RALGPS2: variants seen among roughly 807,000 people sequenced by gnomAD.
The protein encoded by RALGPS2 is ras-specific guanine nucleotide-releasing factor RalGPS2.
A neutral mutation model predicts 86.8 loss-of-function variants in RALGPS2; 43 were observed. That is an observed-to-expected ratio of 0.50 (90% CI 0.39 to 0.64). The LOEUF (loss-of-function observed/expected upper bound fraction) is 0.64. Ranked by LOEUF, RALGPS2 falls within the 30% of genes least tolerant of loss-of-function variation. RALGPS2 has a pLI of 0.00. For missense variants in RALGPS2, 536 were observed against 694.6 expected, an observed-to-expected ratio of 0.77 and a Z score of 2.57; for synonymous variants, 243 against 231.3, an observed-to-expected ratio of 1.05 and a Z score of -0.46.
At chr1:178,733,932 GAC>G (rs1237885267) in intron 1 of RALGPS2, among the ~76,000 whole-genome samples, 1 of 152,122 alleles carries the variant, frequency 6.6e-6, no homozygotes, top group Admixed American at 6.5e-5. Context: ...AATGTGAAAA[GAC>G]AATACACAGA....
rs1371310819 is a variant in RALGPS2, at chr1:178,919,533, A to T, written c.*3174A>T. The T allele has an allele frequency of 6.6e-6, 1 of 152,048 alleles. No homozygotes were observed. Among genetic ancestry groups the T allele is most frequent in the Non-Finnish European group, 1.5e-5 (1 of 67,904 alleles). The allele number at this position is 152,048 out of a possible 1,614,324, so 9.4% of individuals were successfully genotyped here. ...AATGGAAAACATGTTTACAGACTCT[A>T]GCTTTCCTTATTAGCTTAAACTGGG... On this transcript the variant is annotated 3_prime_UTR_variant, in exon 20 of 20. Coordinates refer to ENST00000367635, the MANE Select transcript of RALGPS2 (RefSeq NM_152663.5).
At chr1:178,730,990 G>A (rs1022188610) in intron 1 of RALGPS2, among the ~76,000 whole-genome samples, 8 of 152,112 alleles carry the variant, frequency 5.3e-5, no homozygotes, top group South Asian at 2.1e-4. Flanking sequence ...GAGCCACTGC[G>A]CCTGGCTGAT....
chr1:178,832,490 T>C (rs1377657065), intron 7 of RALGPS2, among the ~76,000 whole-genome samples: 1 of 152,168 alleles, frequency 6.6e-6, no homozygotes, highest in Non-Finnish European at 1.5e-5. Flanking sequence ...GAGAGTATTA[T>C]ATTCTGCTGC....
chr1:178,806,372 G>A (rs1654740505), intron 4 of RALGPS2, among the ~76,000 whole-genome samples: 1 of 152,084 alleles, frequency 6.6e-6, no homozygotes, highest in African/African-American at 2.4e-5. Flanking sequence ...TAAGATATCT[G>A]ATACCTTCTG....
chr1:178,837,909 GCC>G (rs1656361418), intron 8 of RALGPS2, among the ~76,000 whole-genome samples: 1 of 152,160 alleles, frequency 6.6e-6, no homozygotes, highest in South Asian at 2.1e-4. Flanking sequence ...AGGGTGCCAC[GCC>G]CACAGAGCCT....
At chr1:178,897,190 T>C (rs1446923482) in intron 16 of RALGPS2, among the ~76,000 whole-genome samples, 1 of 151,876 alleles carries the variant, frequency 6.6e-6, no homozygotes, top group African/African-American at 2.4e-5. Context: ...GAAAAAATGC[T>C]CATCATCACT....
intron 19 of RALGPS2, among the ~76,000 whole-genome samples, chr1:178,915,279 C>T (rs986537585): frequency 1.3e-5 from 2 of 152,074 alleles, no homozygotes; most frequent in African/African-American, 4.8e-5. Context: ...TGTTGCCCAG[C>T]CTGGACAGTG....
intron 8 of RALGPS2, among the ~76,000 whole-genome samples, chr1:178,836,967 G>A (rs1192665868): frequency 6.6e-6 from 1 of 151,930 alleles, no homozygotes; most frequent in Admixed American, 6.6e-5. Flanking sequence ...TTTTTGTAGA[G>A]ACAGGATCTC....
intron 5 of RALGPS2, 52 bp downstream of exon 5, chr1:178,808,180 A>ATT (rs1654826079): frequency 1.7e-6 from 2 of 1,194,334 alleles, no homozygotes; most frequent in South Asian, 2.6e-5. Flanking sequence ...CTCAATATAT[A>ATT]CTTTTTCCTT....
intron 2 of RALGPS2, among the ~76,000 whole-genome samples, chr1:178,781,202 T>C (rs1451465847): frequency 3.9e-5 from 6 of 152,136 alleles, no homozygotes; most frequent in African/African-American, 1.4e-4. Flanking sequence ...TTAGCAGTTA[T>C]AAAGTAAGAG....
intron 2 of RALGPS2, among the ~76,000 whole-genome samples, chr1:178,779,299 C>G (rs1283686217): frequency 6.6e-6 from 1 of 152,006 alleles, no homozygotes; most frequent in Non-Finnish European, 1.5e-5. Flanking sequence ...GTGTATAAAT[C>G]TAGGGAACTT....
intron 8 of RALGPS2, chr1:178,869,022 A>G (rs1471233335): frequency 1.3e-5 from 2 of 152,074 alleles, no homozygotes; most frequent in Non-Finnish European, 2.9e-5. Flanking sequence ...CAAAAGATCC[A>G]TAAATCTATG....
chr1:178,788,015 C>T (rs1413504341), intron 4 of RALGPS2, among the ~76,000 whole-genome samples: 2 of 152,186 alleles, frequency 1.3e-5, no homozygotes, highest in Non-Finnish European at 2.9e-5. Context: ...GATCTCTTCA[C>T]AGTTTTACCT....
intron 8 of RALGPS2, among the ~76,000 whole-genome samples, chr1:178,871,779 T>A (rs1658773277): frequency 1.3e-5 from 2 of 152,158 alleles, no homozygotes; most frequent in African/African-American, 4.8e-5. Flanking sequence ...TGGTGTGGTT[T>A]AAAAACAAAC....
intron 1 of RALGPS2, among the ~76,000 whole-genome samples, chr1:178,744,836 A>G (rs866608740): frequency 6.6e-6 from 1 of 151,382 alleles, no homozygotes; most frequent in African/African-American, 2.4e-5. Context: ...AAAAAAAAAA[A>G]AGAAAGGAAA....
intron 17 of RALGPS2, among the ~76,000 whole-genome samples, chr1:178,901,398 C>G (rs1660169187): frequency 6.6e-6 from 1 of 152,110 alleles, no homozygotes; most frequent in Admixed American, 6.6e-5. Flanking sequence ...ATACAATGCA[C>G]TGTTTGATTT....
intron 1 of RALGPS2, among the ~76,000 whole-genome samples, chr1:178,733,105 A>G (rs891891989): frequency 6.6e-6 from 1 of 152,208 alleles, no homozygotes; most frequent in Non-Finnish European, 1.5e-5. Context: ...TGAAGGAACT[A>G]TAGATTTAAT....
intron 4 of RALGPS2, among the ~76,000 whole-genome samples, 195 bp downstream of exon 4, chr1:178,785,802 G>T (rs1653623555): frequency 6.6e-6 from 1 of 151,970 alleles, no homozygotes; most frequent in African/African-American, 2.4e-5. Context: ...TCATAGATAG[G>T]ACTATACTTG....
At chr1:178,766,807 G>A (rs1187478016) in intron 1 of RALGPS2, among the ~76,000 whole-genome samples, 5 of 152,298 alleles carry the variant, frequency 3.3e-5, no homozygotes, top group East Asian at 3.9e-4. Flanking sequence ...GTGAGGTTGA[G>A]GAAATGTTCA....
Sources: allele counts gnomAD v4.1 joint callset (sites outside exome capture counted in the v4.1 genomes callset), GRCh38; gene constraint gnomAD v4.1.1; transcripts MANE v1.5; gene names NCBI Gene and HGNC (gene_info 2026-07-23, HGNC 2026-07-21).